ZDHHC3: variants seen among roughly 807,000 people sequenced by gnomAD.
ZDHHC3 encodes the protein zDHHC palmitoyltransferase 3, also known as palmitoyltransferase ZDHHC3.
In ZDHHC3, 9 loss-of-function variants were observed where a neutral mutation model predicts 30.6. The observed-to-expected ratio is 0.29, with a 90% CI of 0.18 to 0.51. The LOEUF (loss-of-function observed/expected upper bound fraction) is 0.51, where lower values mean the gene tolerates loss of function less well. Among genes scored for constraint, ZDHHC3 ranks in the 20% least tolerant of loss-of-function variants. The probability of loss-of-function intolerance (pLI) is 0.97; values close to 1 mark genes in which losing one functional copy is unlikely to be tolerated. For missense variants in ZDHHC3, 246 were observed against 384.2 expected (o/e 0.64, Z 3.01); for synonymous variants, 136 against 140.2 (o/e 0.97, Z 0.21).
chr3:44,965,016 C>A (rs535542347), intron 1 of ZDHHC3, among the ~76,000 whole-genome samples: 3 of 152,184 alleles, frequency 2.0e-5, no homozygotes, highest in African/African-American at 7.2e-5. Flanking sequence ...GATCCACAGG[C>A]CCAGAGGTGT....
At chr3:44,932,740 A>C (rs1701603609) in intron 5 of ZDHHC3, among the ~76,000 whole-genome samples, 1 of 152,220 alleles carries the variant, frequency 6.6e-6, no homozygotes, top group African/African-American at 2.4e-5. Context: ...GCAAGACTGG[A>C]ATAAAATGAT....
chr3:44,964,539 C>G (rs1174752948), intron 1 of ZDHHC3, among the ~76,000 whole-genome samples: 1 of 152,192 alleles, frequency 6.6e-6, no homozygotes, highest in Admixed American at 6.5e-5. Context: ...CTCTAAACTT[C>G]ATAATGAGAT....
intron 1 of ZDHHC3, among the ~76,000 whole-genome samples, chr3:44,963,451 G>C (rs959650797): frequency 6.8e-6 from 1 of 147,726 alleles, no homozygotes; most frequent in Non-Finnish European, 1.5e-5. Context: ...TAGCTTTCAA[G>C]AAAAGATTTG....
At chr3:44,930,469 G>C (rs1028298401) in intron 5 of ZDHHC3, among the ~76,000 whole-genome samples, 2 of 152,192 alleles carry the variant, frequency 1.3e-5, no homozygotes, top group Non-Finnish European at 2.9e-5. Context: ...CTGGGCTGTG[G>C]TTTATTTCTC....
chr3:44,962,874 A>G (rs1259968184), intron 1 of ZDHHC3, among the ~76,000 whole-genome samples: 1 of 152,224 alleles, frequency 6.6e-6, no homozygotes, highest in African/African-American at 2.4e-5. Context: ...AGAAAAGCAA[A>G]TAAACTAAGT....
At chr3:44,955,770 C>A (rs544161332) in intron 2 of ZDHHC3, among the ~76,000 whole-genome samples, 1 of 152,118 alleles carries the variant, frequency 6.6e-6, no homozygotes, top group Non-Finnish European at 1.5e-5. Context: ...TAGGAGCTCC[C>A]GCTTCTGCAG....
In ZDHHC3 at chr3:44,921,881, C is replaced by T; in HGVS notation, c.*4808G>A. 2.0e-6 allele frequency: 2 copies of T among 985,400 alleles called. No individual in the cohort carries two copies. The highest frequency in any genetic ancestry group is 2.4e-6 in the Non-Finnish European group (2 of 829,940). The allele number at this position is 985,400 out of a possible 1,614,324, so 61.0% of individuals were successfully genotyped here. The stretch of plus-strand genomic sequence containing the variant: ...GCAGAAATTCAGGGCATCCTTATGT[C>T]CGTGTTAGAGCATGTGCGGCCCCTA... On this transcript the variant is annotated 3_prime_UTR_variant, in exon 7 of 7. Transcript: ENST00000424952.
chr3:44,947,839 C>T (rs1184814107), intron 2 of ZDHHC3, among the ~76,000 whole-genome samples: 1 of 152,214 alleles, frequency 6.6e-6, no homozygotes, highest in Non-Finnish European at 1.5e-5. Flanking sequence ...CACAGTATGA[C>T]ACAAAGTGAA....
intron 1 of ZDHHC3, among the ~76,000 whole-genome samples, 173 bp downstream of exon 1, chr3:44,975,760 T>TCA (rs1705893869): frequency 1.4e-5 from 2 of 145,714 alleles, no homozygotes; most frequent in African/African-American, 2.7e-5. Context: ...TCTCTCTCTC[T>TCA]CTCTCTCTCT....
chr3:44,947,175 T>C (rs1703017380), intron 2 of ZDHHC3, among the ~76,000 whole-genome samples: 1 of 152,194 alleles, frequency 6.6e-6, no homozygotes, highest in Admixed American at 6.5e-5. Flanking sequence ...TTTCCATTTT[T>C]AGCAGCTGGT....
At position 44,926,456 on chromosome 3, in the gene ZDHHC3, A is replaced by G; in HGVS notation, c.*233T>C. ...CCAGAGGCCAGAGAAGTGATTTTAAAAGGAAAAGAGAGCAGCTTCGGTCAC... is the reference window on the plus strand; with the variant it reads ...CCAGAGGCCAGAGAAGTGATTTTAAGAGGAAAAGAGAGCAGCTTCGGTCAC... On this transcript the variant is annotated 3_prime_UTR_variant, in exon 7 of 7. Transcript: ENST00000424952. 2 of 1,259,494 alleles carry G rather than the reference A, an allele frequency of 1.6e-6. No homozygotes were observed. Among genetic ancestry groups the G allele is most frequent in the Non-Finnish European group, 2.0e-6 (2 of 1,004,232 alleles). 78.0% of individuals were successfully genotyped at this position (1,259,494 alleles called of 1,614,324 possible).
At position 44,923,787 on chromosome 3, in the gene ZDHHC3, A is replaced by C. The variant is rs147773157; in HGVS notation, c.*2902T>G. On this transcript the variant is annotated 3_prime_UTR_variant, in exon 7 of 7. Coordinates refer to ENST00000424952, the MANE Select transcript of ZDHHC3 (RefSeq NM_001135179.2). Reference sequence around the variant, plus strand: ...CACTGCATTCCAGCCTGGGTGACAGAGCAAGACCTTGTCTCAAACAAAAAA... The same window carrying C: ...CACTGCATTCCAGCCTGGGTGACAGCGCAAGACCTTGTCTCAAACAAAAAA... The C allele has an allele frequency of 3.4e-5, 33 of 984,318 alleles. No individual in the cohort carries two copies. The African/African-American group carries it at 5.1e-4, about 15-fold the overall frequency. The allele number at this position is 984,318 out of a possible 1,614,324, so 61.0% of individuals were successfully genotyped here.
rs1700507504 is a variant in ZDHHC3 at position 44,920,328 on chromosome 3, CATCTGCAGCCTGTT to C, written c.*6347_*6360del. The C allele has an allele frequency of 7.8e-7, 1 of 1,289,678 alleles. No individual in the cohort carries two copies. The highest frequency in any genetic ancestry group is 1.5e-5 in the African/African-American group (1 of 65,866). 79.9% of individuals were successfully genotyped at this position (1,289,678 alleles called of 1,614,324 possible). A position where few individuals can be genotyped will look rare whatever the true frequency, so the allele number is the denominator to read the frequency against. On this transcript the variant is annotated 3_prime_UTR_variant, in exon 7 of 7. Transcript: ENST00000424952. ...ATTCTGCATTCTCTTCCTGGGTGAT[CATCTGCAGCCTGTT>C]GAGAAAGAGGCTTTAACTTCATAGC...
rs1700701901 is a variant in ZDHHC3 at position 44,922,891 on chromosome 3, T to C, written c.*3798A>G. ...TCTTTCTCTTTTCACATTTCTTTGA[T>C]ATCTAAGGGCACCTTCTAGGTGGGG... On this transcript the variant is annotated 3_prime_UTR_variant, in exon 7 of 7. Transcript: ENST00000424952. 1.0e-6 allele frequency: 1 copy of C among 985,110 alleles called. No homozygotes were observed. The highest frequency in any genetic ancestry group is 6.2e-5 in the Admixed American group (1 of 16,248). The allele number at this position is 985,110 out of a possible 1,614,324, so 61.0% of individuals were successfully genotyped here.
At chr3:44,936,028 G>C (rs1177527434) in intron 3 of ZDHHC3, among the ~76,000 whole-genome samples, 1 of 152,144 alleles carries the variant, frequency 6.6e-6, no homozygotes, top group African/African-American at 2.4e-5. Context: ...CTTAAACTAA[G>C]AAGCTTCTGC....
rs969328172 is a variant in ZDHHC3, at chr3:44,921,788, C to G, written c.*4901G>C. On this transcript the variant is annotated 3_prime_UTR_variant, in exon 7 of 7. Coordinates refer to ENST00000424952, the MANE Select transcript of ZDHHC3 (RefSeq NM_001135179.2). The stretch of plus-strand genomic sequence containing the variant: ...GTAGGTGCGGTAATAAGTAGCCAAG[C>G]AGACATTTCAACCAAAGACTGAAGC... The G allele has an allele frequency of 3.1e-6, 3 of 983,582 alleles. No individual in the cohort carries two copies. The African/African-American group carries it at 5.2e-5, about 17-fold the overall frequency. The allele number at this position is 983,582 out of a possible 1,614,324, so 60.9% of individuals were successfully genotyped here. A position where few individuals can be genotyped will look rare whatever the true frequency, so the allele number is the denominator to read the frequency against.
intron 1 of ZDHHC3, among the ~76,000 whole-genome samples, chr3:44,972,997 G>A (rs1052769390): frequency 6.6e-6 from 1 of 152,126 alleles, no homozygotes; most frequent in African/African-American, 2.4e-5. Context: ...TTGGAGTTAA[G>A]CTCTTATTCT....
rs1700136660 is a variant in ZDHHC3, at chr3:44,915,962, GGGC to G, written c.*10724_*10726del. The G allele has an allele frequency of 2.0e-5, 3 of 152,164 alleles. No homozygotes were observed. Among genetic ancestry groups the G allele is most frequent in the Non-Finnish European group, 2.9e-5 (2 of 68,048 alleles). 9.4% of individuals were successfully genotyped at this position (152,164 alleles called of 1,614,324 possible). A position where few individuals can be genotyped will look rare whatever the true frequency, so the allele number is the denominator to read the frequency against. On this transcript the variant is annotated 3_prime_UTR_variant, in exon 7 of 7. Coordinates refer to ENST00000424952, the MANE Select transcript of ZDHHC3 (RefSeq NM_001135179.2). Reference sequence around the variant, plus strand: ...CTTCTGGGTTAGGACAACAAATAGGGGGCCCTACAGTCAGAGCAGCTCTTACCC... The same window carrying G: ...CTTCTGGGTTAGGACAACAAATAGGGCCTACAGTCAGAGCAGCTCTTACCC...
intron 5 of ZDHHC3, chr3:44,932,809 C>T (rs1701610106): frequency 9.1e-7 from 1 of 1,099,382 alleles, no homozygotes; most frequent in South Asian, 1.3e-5. Context: ...CAGCATGGCT[C>T]CCACGCATTG....
Sources: allele counts gnomAD v4.1 joint callset (sites outside exome capture counted in the v4.1 genomes callset), GRCh38; gene constraint gnomAD v4.1.1; transcripts MANE v1.5; gene names NCBI Gene and HGNC (gene_info 2026-07-23, HGNC 2026-07-21).